The following SNX29 variants were observed in gnomAD, a reference collection of about 807,000 sequenced individuals.
SNX29 encodes sorting nexin 29, also known as sorting nexin-29.
Under a neutral mutation model 102.1 loss-of-function variants are expected in SNX29, and 78 were observed. The observed-to-expected ratio is 0.76, with a 90% CI of 0.64 to 0.92. SNX29 has a LOEUF of 0.92. Ranked by LOEUF, SNX29 falls within the 40% of genes least tolerant of loss-of-function variation. The pLI is 0.00. For missense variants in SNX29, 1,280 were observed against 1,061.7 expected (o/e 1.21, Z -2.86); for synonymous variants, 580 against 414.5 (o/e 1.40, Z -4.85).
At chr16:12,133,197 G>T (rs1225468678) in intron 13 of SNX29, among the ~76,000 whole-genome samples, 1 of 151,954 alleles carries the variant, frequency 6.6e-6, no homozygotes, top group African/African-American at 2.4e-5. Context: ...GTACTGACGG[G>T]GTCAGACCAT....
chr16:12,447,771 G>A (rs1324430537), intron 18 of SNX29, among the ~76,000 whole-genome samples: 5 of 152,166 alleles, frequency 3.3e-5, no homozygotes, highest in Admixed American at 6.5e-5. Flanking sequence ...GTCACTTGGC[G>A]AGAGTGCTTC....
chr16:12,297,201 G>C (rs902868401), intron 15 of SNX29: 1 of 152,412 alleles, frequency 6.6e-6, no homozygotes, highest in African/African-American at 2.4e-5. Context: ...CACGGCACCT[G>C]TTGGGGTCTG....
intron 4 of SNX29, among the ~76,000 whole-genome samples, chr16:12,032,232 G>A (rs1431022374): frequency 7.6e-6 from 1 of 132,160 alleles, no homozygotes; most frequent in Non-Finnish European, 1.6e-5. Flanking sequence ...ATGGAGCCTT[G>A]CTCTGTTGCC....
At chr16:12,541,236 A>G (rs941443590) in intron 20 of SNX29, among the ~76,000 whole-genome samples, 8 of 152,156 alleles carry the variant, frequency 5.3e-5, no homozygotes, top group African/African-American at 1.9e-4. Context: ...GGACTATGGA[A>G]CCATGTATCA....
At chr16:12,234,898 T>A (rs80192518) in intron 14 of SNX29, among the ~76,000 whole-genome samples, 5,218 of 152,290 alleles carry the variant, frequency 0.034, 240 homozygotes, top group East Asian at 0.2. Flanking sequence ...CTCAGCTCCC[T>A]ACCTTACACG....
chr16:11,984,236 C>G (rs1030527329), intron 1 of SNX29, among the ~76,000 whole-genome samples: 2 of 151,920 alleles, frequency 1.3e-5, no homozygotes, highest in African/African-American at 2.4e-5. Flanking sequence ...TGGTGCATGC[C>G]CATGGTCCTA....
At chr16:12,118,486 A>G (rs2053834648) in intron 11 of SNX29, among the ~76,000 whole-genome samples, 1 of 151,168 alleles carries the variant, frequency 6.6e-6, no homozygotes, top group African/African-American at 2.4e-5. Context: ...TGCCCGGCTG[A>G]TTTTTGTGTT....
chr16:12,344,725 T>G (rs1203715605), intron 15 of SNX29, among the ~76,000 whole-genome samples: 1 of 152,190 alleles, frequency 6.6e-6, no homozygotes, highest in Non-Finnish European at 1.5e-5. Context: ...CTCCTCTTCC[T>G]CTTTCTCCTC....
At chr16:12,505,930 T>TAAC (rs1425315472) in intron 19 of SNX29, among the ~76,000 whole-genome samples, 2 of 152,180 alleles carry the variant, frequency 1.3e-5, no homozygotes, top group African/African-American at 4.8e-5. Flanking sequence ...TCATATTTTG[T>TAAC]AGTTTTTCTA....
intron 20 of SNX29, 54 bp downstream of exon 20, chr16:12,524,895 C>A (rs1290770143): frequency 1.9e-6 from 3 of 1,593,402 alleles, no homozygotes; most frequent in Non-Finnish European, 8.6e-7. Flanking sequence ...ATTTTTTTCT[C>A]GGTCGTTTTG....
At chr16:12,309,345 C>G (rs1369461293) in intron 15 of SNX29, among the ~76,000 whole-genome samples, 1 of 152,192 alleles carries the variant, frequency 6.6e-6, no homozygotes, top group Non-Finnish European at 1.5e-5. Context: ...TAGCCTAAAA[C>G]CTGCGAGGGC....
Position 12,283,924 on chromosome 16 carries a change from C to A in SNX29, c.1782+5888C>A, listed in dbSNP as rs143392269. On this transcript the variant is annotated intron_variant, in intron 15 of 20. Transcript: ENST00000566228. ...CTTAGGGACTGTTAGTGGTGATGCT[C>A]AGAATTTCTTCTGTAAACTTCCCCA... 4.2e-3 allele frequency among the ~76,000 whole-genome samples: 639 copies of A among 152,290 alleles called. 7 individuals are homozygous for A. Among genetic ancestry groups the A allele is most frequent in the African/African-American group, 0.014 (592 of 41,568 alleles).
chr16:12,449,623 A>T (rs2086216796), intron 18 of SNX29, among the ~76,000 whole-genome samples: 1 of 152,156 alleles, frequency 6.6e-6, no homozygotes, highest in African/African-American at 2.4e-5. Context: ...CCAGCTGTGC[A>T]TCTCCCTGCT....
intron 18 of SNX29, among the ~76,000 whole-genome samples, chr16:12,405,508 C>T (rs529840144): frequency 6.6e-6 from 1 of 152,348 alleles, no homozygotes; most frequent in Admixed American, 6.5e-5. Flanking sequence ...TGGCCTTCTG[C>T]AGCCTTCCTG....
chr16:12,546,683 C>T (rs1181791772), intron 20 of SNX29: 7 of 152,080 alleles, frequency 4.6e-5, no homozygotes, highest in African/African-American at 1.2e-4. Flanking sequence ...TTTTTGAATC[C>T]ATCTAGACCC....
Position 12,323,865 on chromosome 16 carries a change from T to C in SNX29, c.1783-32298T>C, listed in dbSNP as rs556067205. 8.5e-5 allele frequency among the ~76,000 whole-genome samples: 13 copies of C among 152,362 alleles called. No homozygotes were observed. The South Asian group carries it at 2.7e-3, about 32-fold the overall frequency. Reference sequence around the variant, plus strand: ...TTTTCAAATGTCTTCATGTATGACATGCAGTTGTTAAGTACTAACTTTTAT... The same window carrying C: ...TTTTCAAATGTCTTCATGTATGACACGCAGTTGTTAAGTACTAACTTTTAT... On this transcript the variant is annotated intron_variant, in intron 15 of 20. Transcript: ENST00000566228.
chr16:12,389,157 G>A (rs1185332536), intron 16 of SNX29, among the ~76,000 whole-genome samples: 3 of 152,138 alleles, frequency 2.0e-5, no homozygotes, highest in Middle Eastern at 3.2e-3. Context: ...TCAGATTCTC[G>A]GTTTTGGACA....
chr16:12,408,978 CAAATTATTGCAA>C (rs1305994568), intron 18 of SNX29, among the ~76,000 whole-genome samples: 1 of 152,212 alleles, frequency 6.6e-6, no homozygotes, highest in Admixed American at 6.5e-5. Context: ...AGGTTGAATG[CAAATTATTGCAA>C]AAAGTTTGTG....
intron 20 of SNX29, among the ~76,000 whole-genome samples, chr16:12,525,250 C>G (rs1003666361): frequency 6.6e-6 from 1 of 151,082 alleles, no homozygotes; most frequent in Non-Finnish European, 1.5e-5. Flanking sequence ...CCAGTATTGA[C>G]TTAAATTATT....
Sources: gnomAD v4.1 joint callset for allele counts (sites outside exome capture counted in the v4.1 genomes callset) on GRCh38, gnomAD v4.1.1 for gene constraint, MANE v1.5 for transcripts, NCBI Gene and HGNC (gene_info 2026-07-23, HGNC 2026-07-21) for gene names.